The following NLGN1 variants were observed in gnomAD, a reference collection of about 807,000 sequenced individuals.
NLGN1 encodes neuroligin 1.
Under a neutral mutation model 65.5 loss-of-function variants are expected in NLGN1, and 12 were observed. The observed-to-expected ratio is 0.18, with a 90% CI of 0.12 to 0.30. NLGN1 has a LOEUF of 0.30. Ranked by LOEUF, NLGN1 falls within the 10% of genes least tolerant of loss-of-function variation. The pLI is 1.00. For missense variants in NLGN1, 750 were observed against 1,007.1 expected, an observed-to-expected ratio of 0.74 and a Z score of 3.46; for synonymous variants, 350 against 359.5, an observed-to-expected ratio of 0.97 and a Z score of 0.30.
In NLGN1 at chr3:173,736,463, C is replaced by A. The variant is rs769582661; in HGVS notation, c.494-71217C>A. Among the ~76,000 whole-genome samples the A allele has an allele frequency of 2.0e-4, 31 of 151,432 alleles. 1 individual carries two copies. The highest frequency in any genetic ancestry group is 6.6e-4 in the Admixed American group (10 of 15,182). On this transcript the variant is annotated intron_variant, in intron 3 of 6. Transcript: ENST00000457714. ...ACAGATGGCTATGCAGAACCAATAT[C>A]AAAAAAAATGGAGGGGAAATATAAA...
intron 4 of NLGN1, among the ~76,000 whole-genome samples, chr3:173,976,730 T>G (rs1717546072): frequency 6.6e-6 from 1 of 152,106 alleles, no homozygotes; most frequent in African/African-American, 2.4e-5. Flanking sequence ...GCATCTGCCC[T>G]TAAGGAGTCT....
chr3:173,629,582 C>A (rs1031732182), intron 3 of NLGN1, among the ~76,000 whole-genome samples: 1 of 152,026 alleles, frequency 6.6e-6, no homozygotes, highest in Non-Finnish European at 1.5e-5. Context: ...GAATGAAGAT[C>A]TAGGTAACAA....
intron 4 of NLGN1, among the ~76,000 whole-genome samples, chr3:174,013,461 CAA>C (rs1725939212): frequency 6.6e-6 from 1 of 152,050 alleles, no homozygotes; most frequent in Non-Finnish European, 1.5e-5. Flanking sequence ...TTTAATAACT[CAA>C]AAGCAGTTAT....
intron 2 of NLGN1, among the ~76,000 whole-genome samples, chr3:173,436,264 C>T (rs923935880): frequency 2.0e-5 from 3 of 152,154 alleles, no homozygotes; most frequent in African/African-American, 4.8e-5. Context: ...AAGAAGGAAA[C>T]ATCTAGAATA....
At chr3:173,589,595 G>A (rs1577413703) in intron 2 of NLGN1, among the ~76,000 whole-genome samples, 1 of 152,130 alleles carries the variant, frequency 6.6e-6, no homozygotes, top group African/African-American at 2.4e-5. Context: ...CTTAGAATGT[G>A]ATTTTCTTAT....
chr3:173,431,698 G>A (rs1194683190), intron 1 of NLGN1, among the ~76,000 whole-genome samples: 3 of 152,138 alleles, frequency 2.0e-5, no homozygotes, highest in African/African-American at 7.2e-5. Flanking sequence ...ACATTGTTAT[G>A]AAGAGTGAAT....
chr3:174,110,295 T>C (rs1714907066), intron 4 of NLGN1, among the ~76,000 whole-genome samples: 1 of 152,022 alleles, frequency 6.6e-6, no homozygotes, highest in Non-Finnish European at 1.5e-5. Context: ...ACCTCTCAAA[T>C]GAACTAATCA....
At chr3:173,713,278 G>A (rs1204160376) in intron 3 of NLGN1, among the ~76,000 whole-genome samples, 1 of 152,064 alleles carries the variant, frequency 6.6e-6, no homozygotes, top group Non-Finnish European at 1.5e-5. Flanking sequence ...CAAATGAGTA[G>A]TTTTTCAGTG....
chr3:173,626,227 C>G (rs1034302591), intron 3 of NLGN1, among the ~76,000 whole-genome samples: 5 of 151,856 alleles, frequency 3.3e-5, no homozygotes, highest in African/African-American at 1.2e-4. Flanking sequence ...AAATAGCTAC[C>G]TATGATTAAT....
chr3:173,797,704 A>AAC (rs1553852797), intron 3 of NLGN1, among the ~76,000 whole-genome samples: 1 of 151,436 alleles, frequency 6.6e-6, no homozygotes, highest in Admixed American at 6.6e-5. Context: ...AACAACAAAA[A>AAC]AAAACAAGAA....
chr3:173,434,710 A>G (rs1000748050), intron 1 of NLGN1, among the ~76,000 whole-genome samples: 1 of 152,196 alleles, frequency 6.6e-6, no homozygotes. Context: ...AAAATAGTCT[A>G]AAAGGAGTTA....
intron 1 of NLGN1, among the ~76,000 whole-genome samples, chr3:173,433,172 T>A (rs1717501920): frequency 6.6e-6 from 1 of 152,202 alleles, no homozygotes; most frequent in South Asian, 2.1e-4. Context: ...AATCTCCCAT[T>A]GCTGCCATTG....
intron 4 of NLGN1, among the ~76,000 whole-genome samples, chr3:173,861,659 G>C (rs530245581): frequency 5.7e-4 from 87 of 151,344 alleles, no homozygotes; most frequent in African/African-American, 1.8e-3. Flanking sequence ...AAATAAAAAT[G>C]ATTACCAATA....
chr3:174,174,269 G>A (rs1729054172), intron 4 of NLGN1, among the ~76,000 whole-genome samples: 1 of 151,934 alleles, frequency 6.6e-6, no homozygotes, highest in African/African-American at 2.4e-5. Context: ...AAGTGTAATT[G>A]TGCTGCTAAA....
intron 2 of NLGN1, among the ~76,000 whole-genome samples, chr3:173,502,786 C>A (rs1212546847): frequency 1.3e-5 from 2 of 152,028 alleles, no homozygotes; most frequent in African/African-American, 2.4e-5. Context: ...CCTGGCAGTA[C>A]TTTTAAGTTC....
intron 3 of NLGN1, among the ~76,000 whole-genome samples, chr3:173,696,817 C>T (rs1432997024): frequency 1.3e-5 from 2 of 152,212 alleles, no homozygotes; most frequent in Non-Finnish European, 2.9e-5. Context: ...GAACTAGCCA[C>T]ACTTTTTCAT....
intron 3 of NLGN1, among the ~76,000 whole-genome samples, chr3:173,674,546 G>A (rs980971855): frequency 3.4e-4 from 51 of 152,184 alleles, no homozygotes; most frequent in African/African-American, 1.2e-3. Context: ...GTAATGTTAC[G>A]AATATGTTAT....
intron 3 of NLGN1, among the ~76,000 whole-genome samples, chr3:173,731,114 A>G (rs1772769056): frequency 6.6e-6 from 1 of 152,040 alleles, no homozygotes; most frequent in South Asian, 2.1e-4. Context: ...TTAGATGACA[A>G]TTTCTCTTTT....
chr3:173,666,181 T>A (rs1761663910), intron 3 of NLGN1, among the ~76,000 whole-genome samples: 1 of 152,112 alleles, frequency 6.6e-6, no homozygotes, highest in Non-Finnish European at 1.5e-5. Flanking sequence ...GATATCATAA[T>A]GTTGTAGTAA....
Sources: gnomAD v4.1 joint callset for allele counts (sites outside exome capture counted in the v4.1 genomes callset) on GRCh38, gnomAD v4.1.1 for gene constraint, MANE v1.5 for transcripts, NCBI Gene and HGNC (gene_info 2026-07-23, HGNC 2026-07-21) for gene names.